SLC2A9: variants seen among roughly 807,000 people sequenced by gnomAD.
SLC2A9 encodes the protein solute carrier family 2, facilitated glucose transporter member 9.
Under a neutral mutation model 50.6 loss-of-function variants are expected in SLC2A9, and 39 were observed. The ratio of observed to expected loss-of-function variants is 0.77; its 90% confidence interval spans 0.60 to 1.01. SLC2A9 has a LOEUF of 1.01. SLC2A9 is among the 50% of genes least tolerant of loss of function. SLC2A9 has a pLI of 0.00. For synonymous variants in SLC2A9, 324 were observed against 276.9 expected (o/e 1.17, Z -1.69); for missense variants, 686 against 677.6 (o/e 1.01, Z -0.14).
intron 2 of SLC2A9, among the ~76,000 whole-genome samples, chr4:10,002,244 C>A (rs1476387124): frequency 6.6e-6 from 1 of 152,236 alleles, no homozygotes; most frequent in Non-Finnish European, 1.5e-5. Flanking sequence ...GTGAGCAACC[C>A]ACTCTTTTCA....
intron 5 of SLC2A9, among the ~76,000 whole-genome samples, chr4:9,960,450 G>T (rs1334090199): frequency 2.0e-5 from 3 of 152,216 alleles, no homozygotes; most frequent in East Asian, 1.9e-4. Flanking sequence ...GAAGAAAGGG[G>T]AATATGAACA....
In SLC2A9 at chr4:9,782,217, C is replaced by T. The variant is rs767679526; in HGVS notation, n.386-2152G>A. 19 of 1,612,366 alleles carry T rather than the reference C, an allele frequency of 1.2e-5. 2 individuals are homozygous for T. In the South Asian group the frequency reaches 2.1e-4, roughly 18 times the overall value. Reference sequence around the variant, plus strand: ...CTGCTGGGCAACGTGCTGGTGTGCGCAGCCATCGTGCGGAGCCGCCACCTG... The same window carrying T: ...CTGCTGGGCAACGTGCTGGTGTGCGTAGCCATCGTGCGGAGCCGCCACCTG... On this transcript the variant is annotated intron_variant and non_coding_transcript_variant, in intron 3 of 3. Transcript: ENST00000503803.
chr4:10,018,751 C>A (rs1763083371), intron 2 of SLC2A9, among the ~76,000 whole-genome samples: 1 of 151,930 alleles, frequency 6.6e-6, no homozygotes, highest in South Asian at 2.1e-4. Context: ...TCCCAGGACA[C>A]CCGCCCTCCA....
At chr4:9,922,795 T>C in intron 6 of SLC2A9, 1 of 152,230 alleles carries the variant, frequency 6.6e-6, no homozygotes, top group East Asian at 1.9e-4. Context: ...AAACTTCTGC[T>C]CTCCTAACTC....
chr4:10,009,005 A>C (rs1761312694), intron 2 of SLC2A9, among the ~76,000 whole-genome samples: 1 of 150,170 alleles, frequency 6.7e-6, no homozygotes, highest in South Asian at 2.1e-4. Context: ...GGGTGAGGGG[A>C]CAAAACTCTG....
intron 3 of SLC2A9, among the ~76,000 whole-genome samples, chr4:9,987,599 A>G (rs931218994): frequency 2.0e-5 from 3 of 152,182 alleles, no homozygotes; most frequent in Admixed American, 2.0e-4. Flanking sequence ...CTGATCTTAG[A>G]ACTTGCGCTC....
At chr4:9,916,270 T>C (rs1742827670) in intron 7 of SLC2A9, among the ~76,000 whole-genome samples, 1 of 152,146 alleles carries the variant, frequency 6.6e-6, no homozygotes, top group South Asian at 2.1e-4. Context: ...AATGCATGGG[T>C]ATCCCACCAA....
intron 4 of SLC2A9, among the ~76,000 whole-genome samples, chr4:9,982,316 A>C (rs1007181080): frequency 6.6e-6 from 1 of 152,238 alleles, no homozygotes; most frequent in Non-Finnish European, 1.5e-5. Flanking sequence ...GTGAGAATAC[A>C]TGACATGAAG....
chr4:9,977,405 T>C (rs1228648806), intron 5 of SLC2A9, among the ~76,000 whole-genome samples: 1 of 152,118 alleles, frequency 6.6e-6, no homozygotes, highest in Non-Finnish European at 1.5e-5. Context: ...ATGGAAACAG[T>C]AGGAGATGCC....
chr4:9,874,845 G>A (rs1000315677), intron 10 of SLC2A9, among the ~76,000 whole-genome samples: 1 of 152,180 alleles, frequency 6.6e-6, no homozygotes, highest in African/African-American at 2.4e-5. Context: ...CCATAAGTTA[G>A]TGTCTGTCTA....
At chr4:9,862,944 C>T (rs1345939606) in intron 10 of SLC2A9, among the ~76,000 whole-genome samples, 1 of 152,020 alleles carries the variant, frequency 6.6e-6, no homozygotes, top group African/African-American at 2.4e-5. Context: ...ATGCTCTTGC[C>T]TATCAACCTT....
intron 2 of SLC2A9, among the ~76,000 whole-genome samples, chr4:10,009,111 C>T (rs964244530): frequency 3.3e-5 from 5 of 152,134 alleles, no homozygotes; most frequent in Non-Finnish European, 5.9e-5. Flanking sequence ...CCTCTTCCAC[C>T]AAAGTCTTGA....
intron 2 of SLC2A9, among the ~76,000 whole-genome samples, chr4:10,004,719 A>G (rs888549825): frequency 6.6e-6 from 1 of 152,252 alleles, no homozygotes; most frequent in Admixed American, 6.5e-5. Context: ...CAACGTAACT[A>G]CAGAGCCCAT....
chr4:9,957,571 A>C (rs1371891068), intron 5 of SLC2A9, among the ~76,000 whole-genome samples: 2 of 152,240 alleles, frequency 1.3e-5, no homozygotes, highest in African/African-American at 4.8e-5. Context: ...GGGGCAATAC[A>C]CCCTATCAGT....
chr4:10,001,834 C>T (rs1260946428), intron 2 of SLC2A9, among the ~76,000 whole-genome samples: 2 of 152,222 alleles, frequency 1.3e-5, no homozygotes, highest in South Asian at 4.1e-4. Flanking sequence ...AGCCCTCTTC[C>T]CGCCTGGGAG....
chr4:9,771,895 C>A (rs956598588), intron 1 of SLC2A9, among the ~76,000 whole-genome samples: 6 of 152,178 alleles, frequency 3.9e-5, no homozygotes, highest in Admixed American at 3.9e-4. Context: ...CCTGAAAGAA[C>A]TAGGCTGGGA....
intron 3 of SLC2A9, chr4:9,782,216 G>A: frequency 6.2e-7 from 1 of 1,612,312 alleles, no homozygotes. Flanking sequence ...GCTGGTGTGC[G>A]CAGCCATCGT....
At chr4:9,782,102 A>G (rs1718491891) in intron 3 of SLC2A9, 2 of 1,535,130 alleles carry the variant, frequency 1.3e-6, no homozygotes, top group South Asian at 2.5e-5. Flanking sequence ...GGCGCAGGGG[A>G]ACGCCGTGGG....
intron 1 of SLC2A9, among the ~76,000 whole-genome samples, chr4:10,039,325 G>C (rs146438986): frequency 1.6e-3 from 237 of 152,296 alleles, no homozygotes; most frequent in African/African-American, 5.5e-3. Flanking sequence ...CATGGAGGAG[G>C]GAATGAATGA....
Sources: gnomAD v4.1 joint callset for allele counts (sites outside exome capture counted in the v4.1 genomes callset) on GRCh38, gnomAD v4.1.1 for gene constraint, MANE v1.5 for transcripts, NCBI Gene and HGNC (gene_info 2026-07-23, HGNC 2026-07-21) for gene names.